Variants in NIPAL3 observed in about 807,000 individuals in gnomAD.
NIPAL3 encodes the protein NIPA like domain containing 3.
Under a neutral mutation model 47.2 loss-of-function variants are expected in NIPAL3, and 41 were observed. The ratio of observed to expected loss-of-function variants is 0.87; its 90% CI spans 0.68 to 1.13. NIPAL3 has a LOEUF of 1.13. NIPAL3 is among the 50% of genes most tolerant of loss of function. The pLI is 0.00. For missense variants in NIPAL3, 449 were observed against 530.1 expected, an observed-to-expected ratio of 0.85 and a Z score of 1.50; for synonymous variants, 194 against 209.6, an observed-to-expected ratio of 0.93 and a Z score of 0.64.
intron 2 of NIPAL3, among the ~76,000 whole-genome samples, chr1:24,437,218 C>T (rs1295299954): frequency 6.6e-6 from 1 of 152,106 alleles, no homozygotes; most frequent in Non-Finnish European, 1.5e-5. Context: ...CGCCACTGCA[C>T]TCCAGCCTGG....
chr1:24,444,404 G>A (rs1193660051), intron 4 of NIPAL3, among the ~76,000 whole-genome samples: 1 of 152,182 alleles, frequency 6.6e-6, no homozygotes, highest in African/African-American at 2.4e-5. Flanking sequence ...GACCTGATTT[G>A]TAGCGCTTGC....
chr1:24,457,420 C>T (rs935639993), intron 8 of NIPAL3, among the ~76,000 whole-genome samples: 6 of 152,312 alleles, frequency 3.9e-5, no homozygotes, highest in South Asian at 2.1e-4. Flanking sequence ...GACTCAGCAG[C>T]GCACAAGGCT....
At chr1:24,431,349 G>A (rs566485202) in intron 2 of NIPAL3, among the ~76,000 whole-genome samples, 1 of 152,138 alleles carries the variant, frequency 6.6e-6, no homozygotes, top group Admixed American at 6.5e-5. Context: ...AAACTGCCGT[G>A]AAAGGTGAAA....
chr1:24,458,703 A>C (rs1160732151), intron 8 of NIPAL3, among the ~76,000 whole-genome samples, 185 bp from the exon 9 acceptor site: 1 of 152,044 alleles, frequency 6.6e-6, no homozygotes, highest in Non-Finnish European at 1.5e-5. Context: ...GAAGAGTGGG[A>C]ATCAAGTATG....
chr1:24,435,697 A>C (rs1433122782), intron 2 of NIPAL3, among the ~76,000 whole-genome samples: 4 of 152,222 alleles, frequency 2.6e-5, no homozygotes, highest in Non-Finnish European at 4.4e-5. Context: ...ACTTTTCTGC[A>C]TCAAAGGTAG....
In NIPAL3 at chr1:24,416,321, A is replaced by G. The variant is rs1644029547; in HGVS notation, c.-258+417A>G. 1.0e-6 allele frequency: 1 copy of G among 985,392 alleles called. No individual in the cohort carries two copies. The highest frequency in any genetic ancestry group is 1.2e-6 in the Non-Finnish European group (1 of 829,944). 61.0% of individuals were successfully genotyped at this position (985,392 alleles called of 1,614,324 possible). A position where few individuals can be genotyped will look rare whatever the true frequency, so the allele number is the denominator to read the frequency against. On this transcript the variant is annotated intron_variant, in intron 1 of 11. Transcript: ENST00000374399. The surrounding 1 kb of genome is among the most constrained non-coding windows in gnomAD (Gnocchi z 4.8). ...AGTTGTAAGTTTCCAGCTCAGTGGGACGGGACGGAAGAATGTAACCTTCTC... is the reference window on the plus strand; with the variant it reads ...AGTTGTAAGTTTCCAGCTCAGTGGGGCGGGACGGAAGAATGTAACCTTCTC...
Position 24,454,427 on chromosome 1 carries a change from G to C in NIPAL3, c.637+923G>C. ...ACGGAAGGGAGTGGGGGTTAAATGAGATGTGCACAGGTGGCTAATATGTGC... is the reference window on the plus strand; with the variant it reads ...ACGGAAGGGAGTGGGGGTTAAATGACATGTGCACAGGTGGCTAATATGTGC... On this transcript the variant is annotated intron_variant, in intron 7 of 11. Transcript: ENST00000374399. This position sits in a 1 kb window ranked among gnomAD's most constrained non-coding sequence, Gnocchi z 4.1. 9.8e-7 allele frequency: 1 copy of C among 1,024,042 alleles called. No individual in the cohort carries two copies. Among genetic ancestry groups the C allele is most frequent in the Non-Finnish European group, 1.2e-6 (1 of 853,182 alleles). 63.4% of individuals were successfully genotyped at this position (1,024,042 alleles called of 1,614,324 possible). A position where few individuals can be genotyped will look rare whatever the true frequency, so the allele number is the denominator to read the frequency against.
intron 2 of NIPAL3, among the ~76,000 whole-genome samples, chr1:24,439,038 C>T (rs893980156): frequency 6.7e-6 from 1 of 148,346 alleles, no homozygotes; most frequent in Non-Finnish European, 1.5e-5. Flanking sequence ...CGGGGGACTC[C>T]AAAACGGGGA....
chr1:24,419,517 C>G lies in NIPAL3; in HGVS notation c.-31C>G, dbSNP rs1054425143. The G allele has an allele frequency of 3.9e-5, 62 of 1,588,978 alleles. No homozygotes were observed. Among genetic ancestry groups the G allele is most frequent in the Non-Finnish European group, 5.2e-5 (61 of 1,167,482 alleles). On this transcript the variant is annotated 5_prime_UTR_variant, in exon 2 of 12. Transcript: ENST00000374399. ...CTAGCAGCAGCTCCACCTCCTAGGC[C>G]AGGCCCTGTGGGATGCGCCACTAGA...
intron 6 of NIPAL3, among the ~76,000 whole-genome samples, chr1:24,452,664 C>T (rs1411682489): frequency 1.3e-5 from 2 of 152,112 alleles, no homozygotes; most frequent in Non-Finnish European, 2.9e-5. Context: ...TGAAGCTTCA[C>T]ACTGGAAGCT....
In NIPAL3 at chr1:24,419,546, C is replaced by T; in HGVS notation, c.-2C>T. 1 of 1,613,032 alleles carries T rather than the reference C, an allele frequency of 6.2e-7. No individual in the cohort carries two copies. On this transcript the variant is annotated 5_prime_UTR_variant, in exon 2 of 12. Coordinates refer to ENST00000374399, the MANE Select transcript of NIPAL3 (RefSeq NM_020448.5). ...CCCTGTGGGATGCGCCACTAGACCACCATGGACGGATCCCACAGCGCAGCC... is the reference window on the plus strand; with the variant it reads ...CCCTGTGGGATGCGCCACTAGACCATCATGGACGGATCCCACAGCGCAGCC...
chr1:24,454,279 G>A lies in NIPAL3; in HGVS notation c.637+775G>A. 1 of 1,162,738 alleles carries A rather than the reference G, an allele frequency of 8.6e-7. No homozygotes were observed. The highest frequency in any genetic ancestry group is 1.1e-6 in the Non-Finnish European group (1 of 931,230). 72.0% of individuals were successfully genotyped at this position (1,162,738 alleles called of 1,614,324 possible). On this transcript the variant is annotated intron_variant, in intron 7 of 11. Transcript: ENST00000374399. This position sits in a 1 kb window ranked among gnomAD's most constrained non-coding sequence, Gnocchi z 4.1. ...GCAGACAGAGGCGGAGGAGCAGGCT[G>A]GTGTCAGGGCTGGTGAAGCCTGCTA...
intron 7 of NIPAL3, among the ~76,000 whole-genome samples, chr1:24,455,574 T>C (rs1376921386): frequency 2.0e-5 from 3 of 152,132 alleles, no homozygotes; most frequent in Admixed American, 1.3e-4. Context: ...ATCCCAGCTA[T>C]TAGGGAGGCA....
At chr1:24,466,110 A>G (rs1410428468) in intron 11 of NIPAL3, 14 of 1,605,502 alleles carry the variant, frequency 8.7e-6, no homozygotes, top group South Asian at 7.8e-5. Context: ...CACCTGAAAG[A>G]CTTCTTAAAA....
At chr1:24,459,058 C>T (rs1387488047) in intron 9 of NIPAL3, 82 bp downstream of exon 9, 4 of 1,177,492 alleles carry the variant, frequency 3.4e-6, no homozygotes, top group Non-Finnish European at 5.0e-6. Flanking sequence ...GCTGATTCTG[C>T]TGACTTGTTC....
chr1:24,463,877 T>C (rs1028703395), intron 10 of NIPAL3, 149 bp from the exon 11 acceptor site: 4 of 559,094 alleles, frequency 7.2e-6, no homozygotes, highest in Non-Finnish European at 1.3e-5. Flanking sequence ...CCTGAGAGGC[T>C]GGCAGCCTCT....
At chr1:24,461,301 G>A (rs1200544109) in intron 10 of NIPAL3, among the ~76,000 whole-genome samples, 8 of 152,146 alleles carry the variant, frequency 5.3e-5, no homozygotes, top group South Asian at 2.1e-4. Flanking sequence ...CAGCACTTTG[G>A]AAGGCCGAGG....
At chr1:24,436,068 G>T (rs10903088) in intron 2 of NIPAL3, among the ~76,000 whole-genome samples, 105,888 of 151,932 alleles carry the variant, frequency 0.7, 37,830 homozygotes, top group African/African-American at 0.88. Context: ...GGGCTCCACC[G>T]GCATGACCTA....
intron 3 of NIPAL3, among the ~76,000 whole-genome samples, chr1:24,440,847 AG>A (rs1257862696): frequency 2.0e-5 from 3 of 152,146 alleles, no homozygotes; most frequent in Non-Finnish European, 2.9e-5. Flanking sequence ...TAAATGCCCC[AG>A]GCTCTTATCC....
Sources: allele counts gnomAD v4.1 joint callset (sites outside exome capture counted in the v4.1 genomes callset), GRCh38; gene constraint gnomAD v4.1.1; non-coding constraint Gnocchi (gnomAD v3.1); transcripts MANE v1.5; gene names NCBI Gene and HGNC (gene_info 2026-07-23, HGNC 2026-07-21).